The following SYNE3 variants were observed in gnomAD, a reference collection of about 807,000 sequenced individuals.
SYNE3 encodes the protein nesprin-3.
SYNE3 carries 100 observed loss-of-function variants against 111.2 expected under a neutral mutation model. The ratio of observed to expected loss-of-function variants is 0.90; its 90% CI spans 0.77 to 1.06. The LOEUF (loss-of-function observed/expected upper bound fraction) is 1.06. Among genes scored for constraint, SYNE3 ranks in the 50% least tolerant of loss-of-function variants. The pLI, the probability that SYNE3 is intolerant of heterozygous loss-of-function variation, is 0.00. For synonymous variants in SYNE3, 547 were observed against 533.9 expected (o/e 1.02, Z -0.34); for missense variants, 1,160 against 1,240.3 (o/e 0.94, Z 0.97).
chr14:95,461,218 GAGCAGCTCTGATTCATCACA>G (rs999784424), intron 4 of SYNE3, among the ~76,000 whole-genome samples: 1 of 152,204 alleles, frequency 6.6e-6, no homozygotes, highest in Admixed American at 6.5e-5. Flanking sequence ...AGGGCTGCAC[GAGCAGCTCTGATTCATCACA>G]AGCAGCTCTG....
chr14:95,475,818 T>A lies in SYNE3; in HGVS notation c.4A>T (p.Thr2Ser). 6.5e-7 allele frequency: 1 copy of A among 1,547,582 alleles called. No homozygotes were observed. The highest frequency in any genetic ancestry group is 1.7e-4 in the Middle Eastern group (1 of 5,758). Residue 2 changes from threonine (T) to serine (S), a missense_variant, in exon 2 of 18, where the codon ACT becomes TCT. By Grantham distance (58) the Thr-to-Ser change is moderately conservative. Transcript: ENST00000682763. ...TCAAAGTCGTCCTGGGGCTGCTGAG[T>A]CATGGCACCTGCAGGGGCTGAAGAA... The part of the protein sequence containing the change: M[T>S]QQPQDDFDRS...
chr14:95,434,325 T>C (rs1198067108), intron 15 of SYNE3, among the ~76,000 whole-genome samples: 1 of 152,198 alleles, frequency 6.6e-6, no homozygotes, highest in African/African-American at 2.4e-5. Flanking sequence ...CACAGAACAT[T>C]TGCCAATTTG....
chr14:95,422,032 G>A (rs902269507), intron 17 of SYNE3, among the ~76,000 whole-genome samples: 2 of 152,114 alleles, frequency 1.3e-5, no homozygotes, highest in African/African-American at 4.8e-5. Flanking sequence ...CCTCGGAGGC[G>A]GGGTCCACAT....
At chr14:95,460,932 C>T (rs985066776) in intron 4 of SYNE3, among the ~76,000 whole-genome samples, 5 of 152,226 alleles carry the variant, frequency 3.3e-5, no homozygotes, top group East Asian at 1.9e-4. Flanking sequence ...TGCTGGCACC[C>T]GGAGAAGTCC....
chr14:95,477,661 G>C (rs1202029806), intron 1 of SYNE3, among the ~76,000 whole-genome samples: 1 of 152,166 alleles, frequency 6.6e-6, no homozygotes, highest in Non-Finnish European at 1.5e-5. Context: ...CTGGCCAGGG[G>C]GAGGTGGGCG....
intron 1 of SYNE3, among the ~76,000 whole-genome samples, chr14:95,481,465 G>A (rs114987926): frequency 0.011 from 1,606 of 152,310 alleles, 33 homozygotes; most frequent in African/African-American, 0.037. Context: ...AGACAAGGCG[G>A]GGAGGCAATG....
chr14:95,438,506 T>C (rs1434114297), intron 14 of SYNE3: 2 of 161,318 alleles, frequency 1.2e-5, no homozygotes, highest in Non-Finnish European at 2.8e-5. Flanking sequence ...AGCACAGTTC[T>C]TGGAACAAAG....
chr14:95,510,870 G>A (rs1225410735), intron 1 of SYNE3, among the ~76,000 whole-genome samples: 1 of 152,216 alleles, frequency 6.6e-6, no homozygotes, highest in Non-Finnish European at 1.5e-5. Flanking sequence ...AAGGCAGTGG[G>A]CTTCCTTGCA....
At chr14:95,450,291 T>G in intron 7 of SYNE3, 186 bp from the exon 8 acceptor site, 1 of 698,192 alleles carries the variant, frequency 1.4e-6, no homozygotes, top group Non-Finnish European at 2.3e-6. Flanking sequence ...GGACTTTGAT[T>G]AATATCACTA....
At chr14:95,514,196 A>G (rs970462673) in intron 1 of SYNE3, among the ~76,000 whole-genome samples, 1 of 152,164 alleles carries the variant, frequency 6.6e-6, no homozygotes, top group Admixed American at 6.5e-5. Flanking sequence ...GGTTAACTGA[A>G]AATATTCATT....
At chr14:95,513,596 T>A (rs754063413) in intron 1 of SYNE3, among the ~76,000 whole-genome samples, 19 of 151,890 alleles carry the variant, frequency 1.3e-4, no homozygotes, top group Non-Finnish European at 1.5e-4. Context: ...TTGTCCCCCG[T>A]CCACTTCCTA....
At chr14:95,427,590 T>TCTCTCTCC (rs1264719912) in intron 17 of SYNE3, among the ~76,000 whole-genome samples, 1 of 151,514 alleles carries the variant, frequency 6.6e-6, no homozygotes, top group Non-Finnish European at 1.5e-5. Context: ...TCTCTCTCCC[T>TCTCTCTCC]CTCTCTCTCT....
At chr14:95,511,855 G>A (rs1250858650) in intron 1 of SYNE3, among the ~76,000 whole-genome samples, 2 of 152,174 alleles carry the variant, frequency 1.3e-5, no homozygotes, top group Admixed American at 1.3e-4. Context: ...TCTGTCTGTC[G>A]GGTGGTGTCT....
intron 1 of SYNE3, among the ~76,000 whole-genome samples, chr14:95,504,239 C>A (rs1890446457): frequency 6.6e-6 from 1 of 152,134 alleles, no homozygotes; most frequent in Non-Finnish European, 1.5e-5. Flanking sequence ...TGATGGAGAG[C>A]CAAAATATAT....
At chr14:95,472,763 C>T (rs1403708869) in intron 2 of SYNE3, among the ~76,000 whole-genome samples, 2 of 152,164 alleles carry the variant, frequency 1.3e-5, no homozygotes, top group Non-Finnish European at 2.9e-5. Context: ...TCCAATCACA[C>T]CTTACAGAAA....
chr14:95,498,180 TTTTG>T (rs141124986), intron 1 of SYNE3, among the ~76,000 whole-genome samples: 13,557 of 152,090 alleles, frequency 0.089, 663 homozygotes, highest in African/African-American at 0.11. Context: ...ATTAAAAGAT[TTTTG>T]TTTGTTTGTT....
At chr14:95,481,478 A>G (rs1283161125) in intron 1 of SYNE3, among the ~76,000 whole-genome samples, 2 of 152,186 alleles carry the variant, frequency 1.3e-5, no homozygotes, top group South Asian at 2.1e-4. Flanking sequence ...AGGCAATGTT[A>G]GATGTTCCTA....
At chr14:95,497,661 A>G (rs1471912797) in intron 1 of SYNE3, among the ~76,000 whole-genome samples, 3 of 152,228 alleles carry the variant, frequency 2.0e-5, no homozygotes, top group Non-Finnish European at 4.4e-5. Context: ...CAAGGCTTTT[A>G]GGCTTTACAA....
At chr14:95,447,471 A>G (rs1886788861) in intron 8 of SYNE3, among the ~76,000 whole-genome samples, 1 of 152,176 alleles carries the variant, frequency 6.6e-6, no homozygotes, top group South Asian at 2.1e-4. Context: ...AGCTGGAGCT[A>G]GTGCCGTGGG....
Sources: allele counts gnomAD v4.1 joint callset (sites outside exome capture counted in the v4.1 genomes callset), GRCh38; gene constraint gnomAD v4.1.1; transcripts MANE v1.5; gene names NCBI Gene and HGNC (gene_info 2026-07-23, HGNC 2026-07-21).